CCDC141: variants seen among roughly 807,000 people sequenced by gnomAD.
CCDC141 encodes the protein coiled-coil domain-containing protein 141.
A neutral mutation model predicts 181.0 loss-of-function variants in CCDC141; 168 were observed. The ratio of observed to expected loss-of-function variants is 0.93; its 90% CI spans 0.82 to 1.05. The LOEUF is 1.05. Among genes scored for constraint, CCDC141 ranks in the 50% least tolerant of loss-of-function variants. The probability of loss-of-function intolerance (pLI) is 0.00; values close to 1 mark genes in which losing one functional copy is unlikely to be tolerated. For synonymous variants in CCDC141, 666 were observed against 642.3 expected, an observed-to-expected ratio of 1.04 and a Z score of -0.56; for missense variants, 1,902 against 1,788.5, an observed-to-expected ratio of 1.06 and a Z score of -1.14.
Position 179,049,859 on chromosome 2 carries a change from A to AC in CCDC141, c.82_83insG (p.Ile28SerfsTer18). Reference sequence around the variant, plus strand: ...GCTTACCTTTATGACAGCTATAACGATTTTGGAGTCCCCAGCCTGCACAGC... The same window carrying AC: ...GCTTACCTTTATGACAGCTATAACGACTTTTGGAGTCCCCAGCCTGCACAGC... On this transcript the variant is annotated frameshift_variant, in exon 1 of 24. Coordinates refer to ENST00000443758, the MANE Select transcript of CCDC141 (RefSeq NM_173648.4). LOFTEE classifies it high-confidence loss of function. 1 of 1,550,784 alleles carries AC rather than the reference A, an allele frequency of 6.4e-7. No individual in the cohort carries two copies.
chr2:178,928,809 G>A (rs982112150), intron 6 of CCDC141, among the ~76,000 whole-genome samples: 1 of 152,070 alleles, frequency 6.6e-6, no homozygotes, highest in African/African-American at 2.4e-5. Context: ...TAAAACACAG[G>A]GTTCACTAAG....
chr2:178,853,062 C>T (rs1330582534), intron 20 of CCDC141, among the ~76,000 whole-genome samples: 2 of 152,136 alleles, frequency 1.3e-5, no homozygotes. Flanking sequence ...TAAAGTATTA[C>T]TGAAATTTTG....
chr2:178,983,091 G>T (rs1185217335), intron 2 of CCDC141, among the ~76,000 whole-genome samples: 2 of 152,170 alleles, frequency 1.3e-5, no homozygotes, highest in Non-Finnish European at 2.9e-5. Context: ...GAGAGCAGTG[G>T]TTCTCCCAGT....
intron 8 of CCDC141, among the ~76,000 whole-genome samples, chr2:178,891,423 G>A (rs1687143051): frequency 6.6e-6 from 1 of 152,118 alleles, no homozygotes. Flanking sequence ...CCACCTCATA[G>A]TGCTTTTTCT....
At chr2:178,989,320 G>A (rs192703577) in intron 2 of CCDC141, among the ~76,000 whole-genome samples, 15 of 152,176 alleles carry the variant, frequency 9.9e-5, no homozygotes, top group South Asian at 2.1e-4. Context: ...GGGGCTGGGC[G>A]CAGTGGCTCA....
chr2:179,035,082 T>C (rs2043105223), intron 2 of CCDC141, among the ~76,000 whole-genome samples: 1 of 152,128 alleles, frequency 6.6e-6, no homozygotes, highest in Non-Finnish European at 1.5e-5. Context: ...AATATACCCA[T>C]AATAGTTTGT....
At chr2:178,987,610 A>G (rs1339706350) in intron 2 of CCDC141, among the ~76,000 whole-genome samples, 1 of 150,766 alleles carries the variant, frequency 6.6e-6, no homozygotes, top group Non-Finnish European at 1.5e-5. Flanking sequence ...ATGAACTCCA[A>G]CAAATTTACA....
chr2:178,839,847 G>A (rs554296231), intron 22 of CCDC141, among the ~76,000 whole-genome samples: 10 of 152,112 alleles, frequency 6.6e-5, no homozygotes, highest in African/African-American at 1.7e-4. Context: ...AGCTTAGCTC[G>A]GTCTCTCTGT....
intron 8 of CCDC141, among the ~76,000 whole-genome samples, chr2:178,903,134 T>C (rs890901964): frequency 2.0e-5 from 3 of 149,108 alleles, no homozygotes; most frequent in African/African-American, 7.3e-5. Flanking sequence ...TGTGGAGAAA[T>C]AGGAACACTT....
At chr2:178,933,764 C>T (rs1689183888) in intron 6 of CCDC141, among the ~76,000 whole-genome samples, 1 of 152,118 alleles carries the variant, frequency 6.6e-6, no homozygotes, top group African/African-American at 2.4e-5. Flanking sequence ...AATCCAAATG[C>T]TTACAGCAGC....
intron 11 of CCDC141, among the ~76,000 whole-genome samples, chr2:178,884,288 C>T (rs1032980556): frequency 1.3e-5 from 2 of 150,210 alleles, no homozygotes; most frequent in Non-Finnish European, 3.0e-5. Context: ...TCACTATGAC[C>T]AAGGGAAAGT....
At chr2:178,870,847 T>A (rs1686085046) in intron 14 of CCDC141, among the ~76,000 whole-genome samples, 1 of 152,128 alleles carries the variant, frequency 6.6e-6, no homozygotes. Flanking sequence ...TTGTGTCACA[T>A]TTTGGAGAGG....
chr2:178,938,562 A>T (rs1689382682), intron 6 of CCDC141, among the ~76,000 whole-genome samples: 1 of 152,106 alleles, frequency 6.6e-6, no homozygotes, highest in South Asian at 2.1e-4. Flanking sequence ...AGAATAATGT[A>T]CATTCTGTTG....
intron 2 of CCDC141, among the ~76,000 whole-genome samples, chr2:179,040,392 G>C (rs2043263872): frequency 6.6e-6 from 1 of 152,166 alleles, no homozygotes. Context: ...TTAATTTTAA[G>C]TTTAGGGCTA....
chr2:178,841,039 G>T (rs920284762), intron 22 of CCDC141, among the ~76,000 whole-genome samples: 2 of 152,182 alleles, frequency 1.3e-5, no homozygotes, highest in South Asian at 2.1e-4. Flanking sequence ...TTTTATTAAG[G>T]TGATTGTATT....
intron 19 of CCDC141, among the ~76,000 whole-genome samples, chr2:178,854,031 C>T (rs1685278865): frequency 6.6e-6 from 1 of 152,122 alleles, no homozygotes; most frequent in South Asian, 2.1e-4. Context: ...TGTTCACAAT[C>T]CAGCATAAAG....
At chr2:178,955,371 C>A (rs1431829108) in intron 5 of CCDC141, among the ~76,000 whole-genome samples, 1 of 151,920 alleles carries the variant, frequency 6.6e-6, no homozygotes, top group Admixed American at 6.6e-5. Context: ...CTTATACATA[C>A]CTGGACTTTA....
chr2:178,865,901 A>G lies in CCDC141; in HGVS notation c.2590T>C (p.Ser864Pro). ...AGCTGCTGCTGTAGGTTCTTTGCAG[A>G]AACATTAGAGCAGTGCTAAAAGAGA... ...SVQRPHCSNV[S>P]AKNLQQQLEL... The change falls in exon 17 of 24, where the codon TCT becomes CCT. Residue 864 changes from serine to proline, a missense_variant. Coordinates refer to ENST00000443758, the MANE Select transcript of CCDC141 (RefSeq NM_173648.4). 1 of 1,591,232 alleles carries G rather than the reference A, an allele frequency of 6.3e-7. No individual in the cohort carries two copies. Among genetic ancestry groups the G allele is most frequent in the Non-Finnish European group, 8.6e-7 (1 of 1,169,122 alleles).
chr2:178,888,604 C>G lies in CCDC141; in HGVS notation c.1330G>C (p.Glu444Gln). The change falls in exon 9 of 24, where the codon GAA (glutamate) becomes CAA (glutamine). Residue 444 changes from glutamate to glutamine, a missense_variant. Transcript: ENST00000443758. ...CIKRRVDHLT[E>Q]QCSAHKEYAL... ...TATTCCTTGTGCGCTGAACACTGTT[C>G]GGTCAGATGATCCACTCGTCTCTTA... The G allele has an allele frequency of 1.3e-6, 2 of 1,550,686 alleles. No homozygotes were observed.
Sources: gnomAD v4.1 joint callset for allele counts (sites outside exome capture counted in the v4.1 genomes callset) on GRCh38, gnomAD v4.1.1 for gene constraint, MANE v1.5 for transcripts, NCBI Gene and HGNC (gene_info 2026-07-23, HGNC 2026-07-21) for gene names.